Variants in FBXW4 observed in about 807,000 individuals in gnomAD.
FBXW4 encodes the protein F-box/WD repeat-containing protein 4.
A neutral mutation model predicts 61.8 loss-of-function variants in FBXW4; 40 were observed. That is an observed-to-expected ratio of 0.65 (90% CI 0.50 to 0.84). The LOEUF is 0.84. Among genes scored for constraint, FBXW4 ranks in the 40% least tolerant of loss-of-function variants. FBXW4 has a pLI of 0.00. For missense variants in FBXW4, 672 were observed against 753.8 expected (o/e 0.89, Z 1.27); for synonymous variants, 311 against 313.8 (o/e 0.99, Z 0.10).
intron 5 of FBXW4, among the ~76,000 whole-genome samples, chr10:101,632,272 A>G (rs78646802): frequency 0.094 from 14,241 of 152,068 alleles, 816 homozygotes; most frequent in African/African-American, 0.15. Context: ...AGGATGGTGC[A>G]AGTAGGTGCC....
At chr10:101,666,396 G>C (rs2064300586) in intron 5 of FBXW4, among the ~76,000 whole-genome samples, 1 of 152,128 alleles carries the variant, frequency 6.6e-6, no homozygotes, top group African/African-American at 2.4e-5. Context: ...TTAATGACGT[G>C]GCTAATCGGC....
intron 1 of FBXW4, among the ~76,000 whole-genome samples, chr10:101,693,199 C>T (rs1464279835): frequency 6.6e-6 from 1 of 152,214 alleles, no homozygotes; most frequent in Non-Finnish European, 1.5e-5. Flanking sequence ...GTGCTGGTCC[C>T]ACTATAATTT....
At position 101,694,899 on chromosome 10, in the gene FBXW4, G is replaced by C; in HGVS notation, c.207C>G (p.Ala69=). ...TCGCTCCCGCGTCAGCCCCCGGCCC[G>C]GCTGCCTCCTTCGCCGTCTGCGGCC... ...KPGPQTAKEA[A]GPGADAGARA... Residue 69 remains alanine, a synonymous_variant, in exon 1 of 9, where the codon GCC becomes GCG. Coordinates refer to ENST00000331272, the MANE Select transcript of FBXW4 (RefSeq NM_022039.4). This position sits in a 1 kb window ranked among gnomAD's most constrained non-coding sequence, Gnocchi z 6.0. The C allele has an allele frequency of 8.0e-7, 1 of 1,246,478 alleles. No homozygotes were observed. The highest frequency in any genetic ancestry group is 1.0e-6 in the Non-Finnish European group (1 of 996,902). 77.2% of individuals were successfully genotyped at this position (1,246,478 alleles called of 1,614,324 possible).
At chr10:101,623,985 T>C (rs542888478) in intron 6 of FBXW4, among the ~76,000 whole-genome samples, 1 of 152,088 alleles carries the variant, frequency 6.6e-6, no homozygotes, top group African/African-American at 2.4e-5. Flanking sequence ...AATGAGGAAT[T>C]TTTGTGCTGA....
upstream of FBXW4, chr10:101,695,238 A>C: frequency 5.2e-6 from 5 of 966,972 alleles, no homozygotes; most frequent in Non-Finnish European, 4.9e-6. The surrounding 1 kb of genome is among the most constrained non-coding windows in gnomAD (Gnocchi z 4.2). Context: ...CGCCCCTCAC[A>C]CCTGCAGCCT....
At chr10:101,679,210 T>C (rs1163752682) in intron 1 of FBXW4, among the ~76,000 whole-genome samples, 1 of 152,212 alleles carries the variant, frequency 6.6e-6, no homozygotes, top group African/African-American at 2.4e-5. Context: ...TCTGGCCAGC[T>C]GAATACTATT....
intron 2 of FBXW4, 119 bp downstream of exon 2, chr10:101,676,222 C>T (rs1046588145): frequency 1.7e-5 from 11 of 643,804 alleles, no homozygotes; most frequent in African/African-American, 1.7e-4. Context: ...TATTCAAAGG[C>T]TCACCAGTGC....
In FBXW4 at chr10:101,611,514, G is replaced by A; in HGVS notation, c.1585-104C>T. The stretch of plus-strand genomic sequence containing the variant: ...CAGGGGAAGAGGGACGTGTGCCATT[G>A]TAGGCTTCTTCCAACCCTTTCTAGG... On this transcript the variant is annotated intron_variant, in intron 8 of 8. Transcript: ENST00000331272. The surrounding 1 kb of genome is among the most constrained non-coding windows in gnomAD (Gnocchi z 4.9). The A allele has an allele frequency of 1.3e-6, 2 of 1,571,032 alleles. No homozygotes were observed. Among genetic ancestry groups the A allele is most frequent in the Non-Finnish European group, 1.7e-6 (2 of 1,155,202 alleles).
chr10:101,621,027 C>T (rs191730137), intron 6 of FBXW4, among the ~76,000 whole-genome samples: 1 of 152,176 alleles, frequency 6.6e-6, no homozygotes, highest in African/African-American at 2.4e-5. Flanking sequence ...GTACCCAGCC[C>T]GCCACCCGGC....
At chr10:101,658,077 A>G (rs965733142) in intron 5 of FBXW4, among the ~76,000 whole-genome samples, 3 of 152,236 alleles carry the variant, frequency 2.0e-5, no homozygotes, top group African/African-American at 7.2e-5. Flanking sequence ...AGAAACTGTC[A>G]TGGGCAACAG....
intron 5 of FBXW4, among the ~76,000 whole-genome samples, chr10:101,662,350 A>T (rs12255825): frequency 6.6e-6 from 1 of 152,076 alleles, no homozygotes; most frequent in South Asian, 2.1e-4. Flanking sequence ...AAATGAAGCA[A>T]GAAGGGGCAG....
chr10:101,634,409 C>T (rs2063983690), intron 5 of FBXW4, among the ~76,000 whole-genome samples: 1 of 149,084 alleles, frequency 6.7e-6, no homozygotes, highest in African/African-American at 2.5e-5. Flanking sequence ...AAGATTTTTA[C>T]TTAATCAATT....
chr10:101,617,243 C>T (rs1377799374), intron 6 of FBXW4, among the ~76,000 whole-genome samples: 1 of 152,160 alleles, frequency 6.6e-6, no homozygotes, highest in Non-Finnish European at 1.5e-5. Context: ...GGTCACGCAC[C>T]TAGTAAATCT....
chr10:101,678,931 T>A (rs553810494), intron 1 of FBXW4, among the ~76,000 whole-genome samples: 1 of 144,508 alleles, frequency 6.9e-6, no homozygotes, highest in Non-Finnish European at 1.5e-5. Flanking sequence ...TTTATTCATA[T>A]AGAATAATTA....
intron 5 of FBXW4, among the ~76,000 whole-genome samples, chr10:101,632,997 T>C (rs1421366839): frequency 6.6e-6 from 1 of 152,206 alleles, no homozygotes; most frequent in Non-Finnish European, 1.5e-5. Context: ...AGCTGGCATG[T>C]TGCATACAAC....
At chr10:101,668,331 G>C (rs2134886761) in intron 4 of FBXW4, among the ~76,000 whole-genome samples, 1 of 152,308 alleles carries the variant, frequency 6.6e-6, no homozygotes, top group South Asian at 2.1e-4. Flanking sequence ...TCCTGTATTT[G>C]TGGATTTTCC....
At position 101,610,815 on chromosome 10, in the gene FBXW4, C is replaced by G. The variant is rs924437769; in HGVS notation, c.*476G>C. 2.6e-5 allele frequency: 4 copies of G among 153,352 alleles called. No homozygotes were observed. Among genetic ancestry groups the G allele is most frequent in the Non-Finnish European group, 2.9e-5 (2 of 68,908 alleles). 9.5% of individuals were successfully genotyped at this position (153,352 alleles called of 1,614,324 possible). A position where few individuals can be genotyped will look rare whatever the true frequency, so the allele number is the denominator to read the frequency against. ...TCAAAGCAAAACCAGGCCACAGTGCCCCAGGAATGAACCCCCAGCCCCGAG... is the reference window on the plus strand; with the variant it reads ...TCAAAGCAAAACCAGGCCACAGTGCGCCAGGAATGAACCCCCAGCCCCGAG... On this transcript the variant is annotated 3_prime_UTR_variant, in exon 9 of 9. Coordinates refer to ENST00000331272, the MANE Select transcript of FBXW4 (RefSeq NM_022039.4).
chr10:101,620,626 G>A (rs981857091), intron 6 of FBXW4, among the ~76,000 whole-genome samples: 1 of 152,178 alleles, frequency 6.6e-6, no homozygotes, highest in African/African-American at 2.4e-5. Flanking sequence ...GGCCATAGTT[G>A]TTTGTTTTGT....
intron 5 of FBXW4, among the ~76,000 whole-genome samples, chr10:101,638,517 G>A (rs147757900): frequency 0.016 from 2,470 of 150,114 alleles, 43 homozygotes; most frequent in Middle Eastern, 0.025. Context: ...GTAGGATAAC[G>A]GGAGGGGACA....
Sources: gnomAD v4.1 joint callset for allele counts (sites outside exome capture counted in the v4.1 genomes callset) on GRCh38, gnomAD v4.1.1 for gene constraint, Gnocchi (gnomAD v3.1) non-coding constraint, MANE v1.5 for transcripts, NCBI Gene and HGNC (gene_info 2026-07-23, HGNC 2026-07-21) for gene names.